UNC79: variants seen among roughly 807,000 people sequenced by gnomAD.
The protein encoded by UNC79 is protein unc-79 homolog.
Under a neutral mutation model 283.1 loss-of-function variants are expected in UNC79, and 37 were observed. The ratio of observed to expected loss-of-function variants is 0.13; its 90% CI spans 0.10 to 0.17. The LOEUF (loss-of-function observed/expected upper bound fraction) is 0.17, where lower values mean the gene tolerates loss of function less well. Ranked by LOEUF, UNC79 falls within the 10% of genes least tolerant of loss-of-function variation. The probability of loss-of-function intolerance (pLI) is 1.00; values close to 1 mark genes in which losing one functional copy is unlikely to be tolerated. For missense variants in UNC79, 2,272 were observed against 3,211.1 expected (o/e 0.71, Z 7.07); for synonymous variants, 1,107 against 1,200.2 (o/e 0.92, Z 1.61).
In UNC79 at chr14:93,647,518, A is replaced by G. The variant is rs1004529700; in HGVS notation, c.6083+872A>G. 2.0e-5 allele frequency among the ~76,000 whole-genome samples: 3 copies of G among 152,230 alleles called. No individual in the cohort carries two copies. In the East Asian group the frequency reaches 5.8e-4, roughly 29 times the overall value. On this transcript the variant is annotated intron_variant, in intron 35 of 48. Transcript: ENST00000555664. ...CAGTAATTTATAGAAATAACATTCC[A>G]GGCAGAGGGAGCAGCAAATACAAAG... is the stretch of plus-strand genomic sequence containing the variant.
intron 11 of UNC79, 91 bp downstream of exon 11, chr14:93,532,669 G>A: frequency 6.6e-7 from 1 of 1,522,216 alleles, no homozygotes. Context: ...TCTGCACCGT[G>A]GTTTCCAGTA....
At chr14:93,512,580 T>C (rs2140876516) in intron 7 of UNC79, among the ~76,000 whole-genome samples, 1 of 152,322 alleles carries the variant, frequency 6.6e-6, no homozygotes, top group African/African-American at 2.4e-5. Context: ...TGTTTACCTG[T>C]GCATTAGTTT....
intron 7 of UNC79, among the ~76,000 whole-genome samples, chr14:93,515,034 A>AT (rs929614603): frequency 2.6e-5 from 4 of 152,006 alleles, no homozygotes; most frequent in Non-Finnish European, 4.4e-5. Flanking sequence ...TTTTATGCAT[A>AT]TTTTTTGTAT....
chr14:93,528,137 A>T (rs534101041), intron 8 of UNC79, among the ~76,000 whole-genome samples: 1 of 152,344 alleles, frequency 6.6e-6, no homozygotes, highest in East Asian at 1.9e-4. Context: ...GCACTTTGGT[A>T]TCAGTTATGA....
intron 26 of UNC79, among the ~76,000 whole-genome samples, chr14:93,608,449 G>A (rs920493242): frequency 2.0e-5 from 3 of 152,194 alleles, no homozygotes; most frequent in Non-Finnish European, 2.9e-5. Flanking sequence ...ATAATAGGAT[G>A]TGGAATAGGA....
chr14:93,636,335 G>T (rs765281770), intron 31 of UNC79, among the ~76,000 whole-genome samples: 1 of 152,128 alleles, frequency 6.6e-6, no homozygotes, highest in African/African-American at 2.4e-5. Flanking sequence ...ATTGGTTCTC[G>T]TGGTTCTCGA....
intron 25 of UNC79, among the ~76,000 whole-genome samples, chr14:93,601,397 C>T (rs2065497274): frequency 6.6e-6 from 1 of 152,204 alleles, no homozygotes; most frequent in African/African-American, 2.4e-5. Flanking sequence ...ATAATGTTCT[C>T]CAACTCCATC....
At chr14:93,399,180 C>G (rs967264425) in intron 1 of UNC79, among the ~76,000 whole-genome samples, 7 of 152,076 alleles carry the variant, frequency 4.6e-5, no homozygotes, top group Admixed American at 6.6e-5. Context: ...ATGAGGAAGA[C>G]TGCCCCCATG....
intron 7 of UNC79, among the ~76,000 whole-genome samples, chr14:93,516,855 T>C (rs929371039): frequency 6.6e-6 from 1 of 152,066 alleles, no homozygotes; most frequent in Non-Finnish European, 1.5e-5. Context: ...GGTATATTTA[T>C]CCATTTATTT....
chr14:93,514,611 C>T (rs779296151), intron 7 of UNC79, among the ~76,000 whole-genome samples: 2 of 152,176 alleles, frequency 1.3e-5, no homozygotes, highest in South Asian at 2.1e-4. Flanking sequence ...TTCTTGGTAG[C>T]TCTCCTCTGT....
intron 7 of UNC79, among the ~76,000 whole-genome samples, chr14:93,500,303 T>C (rs2059219313): frequency 6.6e-6 from 1 of 152,204 alleles, no homozygotes; most frequent in Non-Finnish European, 1.5e-5. Context: ...CATTCTTCAG[T>C]CCATCCTTGC....
At chr14:93,585,256 T>C (rs2141831539) in intron 20 of UNC79, among the ~76,000 whole-genome samples, 1 of 152,222 alleles carries the variant, frequency 6.6e-6, no homozygotes, top group Non-Finnish European at 1.5e-5. Flanking sequence ...CTGCAGGCCT[T>C]AAGACCAGGG....
At chr14:93,646,866 A>T (rs1335088612) in intron 35 of UNC79, among the ~76,000 whole-genome samples, 1 of 152,164 alleles carries the variant, frequency 6.6e-6, no homozygotes, top group East Asian at 1.9e-4. Flanking sequence ...AAAATAAAAA[A>T]AATACCAGCT....
intron 1 of UNC79, among the ~76,000 whole-genome samples, chr14:93,375,953 G>A (rs1409458347): frequency 1.4e-5 from 1 of 73,092 alleles, no homozygotes; most frequent in Non-Finnish European, 3.0e-5. Context: ...ACCTGAGCTA[G>A]CATGTTAGGC....
At chr14:93,702,502 C>T (rs1368781820) in intron 47 of UNC79, among the ~76,000 whole-genome samples, 1 of 152,184 alleles carries the variant, frequency 6.6e-6, no homozygotes, top group Non-Finnish European at 1.5e-5. Context: ...AGTCAAACAA[C>T]AGCCAGATTT....
intron 39 of UNC79, among the ~76,000 whole-genome samples, chr14:93,661,565 T>C (rs911848730): frequency 6.6e-6 from 1 of 152,206 alleles, no homozygotes. Flanking sequence ...AAAATTGCCC[T>C]GGAACTTGGC....
At chr14:93,361,232 AAAAAGAAAAG>A (rs869171972) in intron 1 of UNC79, among the ~76,000 whole-genome samples, 4 of 63,374 alleles carry the variant, frequency 6.3e-5, no homozygotes, top group South Asian at 4.7e-4. Context: ...AAAAAAAAAA[AAAAAGAAAAG>A]AAAAGAAAAG....
intron 11 of UNC79, 139 bp from the exon 12 acceptor site, chr14:93,537,850 A>G (rs1437392711): frequency 1.3e-6 from 1 of 763,736 alleles, no homozygotes; most frequent in African/African-American, 1.8e-5. Context: ...TAGTGGGAGA[A>G]TAACCTGCGC....
intron 5 of UNC79, among the ~76,000 whole-genome samples, chr14:93,495,545 A>G (rs959024567): frequency 2.0e-5 from 3 of 152,246 alleles, no homozygotes; most frequent in Non-Finnish European, 4.4e-5. Flanking sequence ...GGGTGTTGAC[A>G]GCAGTTGAGT....
Sources: gnomAD v4.1 joint callset for allele counts (sites outside exome capture counted in the v4.1 genomes callset) on GRCh38, gnomAD v4.1.1 for gene constraint, MANE v1.5 for transcripts, NCBI Gene and HGNC (gene_info 2026-07-23, HGNC 2026-07-21) for gene names.